Variants in ABL2 observed in about 807,000 individuals in gnomAD.
ABL2 encodes the protein ABL proto-oncogene 2, non-receptor tyrosine kinase.
ABL2 carries 49 observed loss-of-function variants against 107.7 expected under a neutral mutation model. The ratio of observed to expected loss-of-function variants is 0.45; its 90% CI spans 0.36 to 0.58. The LOEUF is 0.58. ABL2 is among the 20% of genes least tolerant of loss of function. ABL2 has a pLI of 0.00. For missense variants in ABL2, 1,245 were observed against 1,457.0 expected (o/e 0.85, Z 2.37); for synonymous variants, 549 against 548.6 (o/e 1.00, Z -0.01).
chr1:179,151,185 A>G (rs1658339030), intron 1 of ABL2, among the ~76,000 whole-genome samples: 2 of 152,190 alleles, frequency 1.3e-5, no homozygotes, highest in Non-Finnish European at 1.5e-5. Flanking sequence ...TCTCCAAGGT[A>G]TGACTATAGT....
intron 1 of ABL2, among the ~76,000 whole-genome samples, chr1:179,164,150 A>G (rs930280363): frequency 6.6e-6 from 1 of 152,212 alleles, no homozygotes; most frequent in African/African-American, 2.4e-5. Context: ...GTTAAAATTC[A>G]CAGAACCGTA....
At chr1:179,162,949 G>A (rs1026558754) in intron 1 of ABL2, among the ~76,000 whole-genome samples, 2 of 152,132 alleles carry the variant, frequency 1.3e-5, no homozygotes, top group Admixed American at 6.5e-5. Context: ...ATCAAAGAGA[G>A]TCCTATGGGG....
chr1:179,108,778 T>C lies in ABL2; in HGVS notation c.2489A>G (p.Asn830Ser), dbSNP rs1237300540. The C allele has an allele frequency of 1.9e-6, 3 of 1,614,112 alleles. No individual in the cohort carries two copies. The highest frequency in any genetic ancestry group is 1.7e-5 in the Admixed American group (1 of 60,010). Residue 830 changes from asparagine to serine, a missense_variant, in exon 12 of 12, where the codon AAT becomes AGT. Transcript: ENST00000502732. ...CTCTGATTTTTTTGGAAGCATGTCA[T>C]TGGCCCTGTCCACATTCTCTTCTGG... ...SQPEENVDRA[N>S]DMLPKKSEES... is the part of the protein sequence containing the mutation.
intron 1 of ABL2, among the ~76,000 whole-genome samples, chr1:179,222,662 T>C (rs923531914): frequency 3.3e-5 from 5 of 152,044 alleles, no homozygotes; most frequent in African/African-American, 1.2e-4. Context: ...GTACTGGGAT[T>C]ACCAGCATGA....
chr1:179,176,832 A>G (rs967919670), intron 1 of ABL2, among the ~76,000 whole-genome samples: 2 of 151,126 alleles, frequency 1.3e-5, no homozygotes, highest in Non-Finnish European at 2.9e-5. Context: ...AGTAGCTGGG[A>G]TTACAGGTGC....
chr1:179,169,597 AT>A (rs1409556209), intron 1 of ABL2, among the ~76,000 whole-genome samples: 2 of 152,092 alleles, frequency 1.3e-5, no homozygotes, highest in African/African-American at 4.8e-5. Flanking sequence ...TATGAGAAAC[AT>A]AAGTGGGGAA....
chr1:179,116,046 C>T (rs985513665), intron 8 of ABL2, among the ~76,000 whole-genome samples: 10 of 151,704 alleles, frequency 6.6e-5, no homozygotes, highest in African/African-American at 2.4e-4. Context: ...AAAAAAAAAG[C>T]TCTGTGTCAC....
chr1:179,122,333 C>T (rs961085804), intron 4 of ABL2, among the ~76,000 whole-genome samples: 1 of 149,478 alleles, frequency 6.7e-6, no homozygotes, highest in Non-Finnish European at 1.5e-5. Flanking sequence ...ATTGCCCAGG[C>T]AGGTCTCAAA....
intron 1 of ABL2, among the ~76,000 whole-genome samples, chr1:179,152,560 G>A (rs1658424125): frequency 6.6e-6 from 1 of 152,174 alleles, no homozygotes; most frequent in South Asian, 2.1e-4. Flanking sequence ...ATGTGCATGT[G>A]TGCGTTTGTG....
chr1:179,153,249 G>A (rs1164915958), intron 1 of ABL2, among the ~76,000 whole-genome samples: 1 of 151,920 alleles, frequency 6.6e-6, no homozygotes, highest in Admixed American at 6.6e-5. Context: ...ATCCTCCCTA[G>A]GTGAAGTCAT....
At position 179,109,338 on chromosome 1, in the gene ABL2, G is replaced by A. The variant is rs777414572; in HGVS notation, c.1929C>T (p.Cys643=). 6 of 1,614,126 alleles carry A rather than the reference G, an allele frequency of 3.7e-6. No individual in the cohort carries two copies. Among genetic ancestry groups the A allele is most frequent in the Non-Finnish European group, 5.1e-6 (6 of 1,180,040 alleles). ...SSLLEDAKET[C]FTRDRKGGFF... is the part of the protein sequence containing the mutation. ...AGCCCCCCTTCCTATCCCTGGTGAA[G>A]CATGTCTCTTTGGCATCTTCCAAGA... The change falls in exon 12 of 12, where the codon TGC becomes TGT. Residue 643 remains cysteine, a synonymous_variant. Transcript: ENST00000502732.
chr1:179,123,013 G>T (rs1311603420), intron 4 of ABL2, among the ~76,000 whole-genome samples: 1 of 152,140 alleles, frequency 6.6e-6, no homozygotes, highest in Non-Finnish European at 1.5e-5. Context: ...CAGAAGATAC[G>T]TAAAGAAGAG....
intron 1 of ABL2, among the ~76,000 whole-genome samples, chr1:179,217,236 C>A (rs1662614169): frequency 6.6e-6 from 1 of 151,854 alleles, no homozygotes; most frequent in Non-Finnish European, 1.5e-5. Context: ...CGAGGTTGAA[C>A]CCAAGAGGCC....
chr1:179,209,227 G>C (rs933353310), intron 1 of ABL2, among the ~76,000 whole-genome samples: 1 of 152,156 alleles, frequency 6.6e-6, no homozygotes, highest in Non-Finnish European at 1.5e-5. Context: ...TTTACTCAGA[G>C]GAAAGGAATG....
intron 1 of ABL2, among the ~76,000 whole-genome samples, chr1:179,148,344 A>G (rs1193999188): frequency 1.3e-5 from 2 of 152,226 alleles, no homozygotes; most frequent in East Asian, 3.9e-4. Context: ...CCTGGCTAGC[A>G]CCATTTTTCC....
At chr1:179,202,880 C>G (rs1032908479) in intron 1 of ABL2, among the ~76,000 whole-genome samples, 2 of 152,010 alleles carry the variant, frequency 1.3e-5, no homozygotes, top group Admixed American at 6.6e-5. Flanking sequence ...AAAAACCAAC[C>G]ACCAAAAACC....
At chr1:179,187,525 T>C (rs988614730) in intron 1 of ABL2, among the ~76,000 whole-genome samples, 1 of 152,212 alleles carries the variant, frequency 6.6e-6, no homozygotes, top group Non-Finnish European at 1.5e-5. Flanking sequence ...AAAAAAATTA[T>C]TGTATGCTAT....
At chr1:179,192,118 C>G (rs1427935140) in intron 1 of ABL2, among the ~76,000 whole-genome samples, 1 of 152,102 alleles carries the variant, frequency 6.6e-6, no homozygotes, top group Non-Finnish European at 1.5e-5. Flanking sequence ...CTTGGTTAGT[C>G]ACGTATATAG....
At chr1:179,176,699 A>ATTTTTTTTTTTTTTTT (rs1553229037) in intron 1 of ABL2, among the ~76,000 whole-genome samples, 1 of 25,260 alleles carries the variant, frequency 4.0e-5, no homozygotes, top group Non-Finnish European at 8.8e-5. Context: ...GTTGTTACAT[A>ATTTTTTTTTTTTTTTT]TTCTTTTTTT....
Sources: allele counts gnomAD v4.1 joint callset (sites outside exome capture counted in the v4.1 genomes callset), GRCh38; gene constraint gnomAD v4.1.1; transcripts MANE v1.5; gene names NCBI Gene and HGNC (gene_info 2026-07-23, HGNC 2026-07-21).